Variants in SBNO1 observed in about 807,000 individuals in gnomAD.
The protein encoded by SBNO1 is protein strawberry notch homolog 1.
In SBNO1, 23 loss-of-function variants were observed where a neutral mutation model predicts 173.6. That is an observed-to-expected ratio of 0.13 (90% CI 0.10 to 0.19). SBNO1 has a LOEUF of 0.19. Among genes scored for constraint, SBNO1 ranks in the 10% least tolerant of loss-of-function variants. The pLI is 1.00. For synonymous variants in SBNO1, 632 were observed against 571.5 expected, an observed-to-expected ratio of 1.11 and a Z score of -1.51; for missense variants, 1,238 against 1,671.2, an observed-to-expected ratio of 0.74 and a Z score of 4.52.
At chr12:123,305,416 G>A (rs1212642046) in intron 28 of SBNO1, among the ~76,000 whole-genome samples, 3 of 152,008 alleles carry the variant, frequency 2.0e-5, no homozygotes, top group Non-Finnish European at 1.5e-5. Flanking sequence ...CACATATGGA[G>A]GTAAAAATGG....
At chr12:123,304,130 C>T (rs2048858270) in intron 29 of SBNO1, among the ~76,000 whole-genome samples, 1 of 151,982 alleles carries the variant, frequency 6.6e-6, no homozygotes, top group African/African-American at 2.4e-5. Context: ...GAGGTTTCGC[C>T]ATATGGGCCA....
At position 123,298,628 on chromosome 12, in the gene SBNO1, T is replaced by C. The variant is rs144093731; in HGVS notation, c.3846-457A>G. On this transcript the variant is annotated intron_variant, in intron 30 of 31. Coordinates refer to ENST00000602398, the MANE Select transcript of SBNO1 (RefSeq NM_001167856.3). ...CTTAGATTATAATTCTGTTGGCCCA[T>C]TGGGTTAGCATTTCCAATTTAAGGT... is the stretch of plus-strand genomic sequence containing the variant. Among the ~76,000 whole-genome samples, 13 of 152,342 alleles carry C rather than the reference T, an allele frequency of 8.5e-5. No homozygotes were observed. In the East Asian group the frequency reaches 1.7e-3, roughly 20 times the overall value.
intron 5 of SBNO1, 131 bp downstream of exon 5, chr12:123,340,857 T>C (rs185356890): frequency 1.6e-6 from 1 of 640,416 alleles, no homozygotes; most frequent in African/African-American, 1.9e-5. Context: ...GCATATCCAT[T>C]AGTTCCCACG....
Position 123,296,064 on chromosome 12 carries a change from C to A in SBNO1, c.4040-14G>T. ...GAATGATCAAACCTGTAATTAGTAA[C>A]AAGAATTTATCAAGTTGTGTCCAGA... is the stretch of plus-strand genomic sequence containing the variant. On this transcript the variant is annotated splice_polypyrimidine_tract_variant and intron_variant, in intron 31 of 31. Coordinates refer to ENST00000602398, the MANE Select transcript of SBNO1 (RefSeq NM_001167856.3). 6.4e-7 allele frequency: 1 copy of A among 1,574,744 alleles called. No homozygotes were observed. The highest frequency in any genetic ancestry group is 2.2e-5 in the East Asian group (1 of 44,466).
intron 1 of SBNO1, chr12:123,363,820 C>CT (rs1452390349): frequency 2.0e-6 from 2 of 977,314 alleles, no homozygotes; most frequent in African/African-American, 3.5e-5. Flanking sequence ...ATTAACCAAA[C>CT]AGAAGCACAA....
intron 5 of SBNO1, among the ~76,000 whole-genome samples, chr12:123,340,243 T>G (rs931199455): frequency 6.6e-6 from 1 of 152,206 alleles, no homozygotes; most frequent in South Asian, 2.1e-4. Context: ...AATAAATGTA[T>G]GGAATCAATT....
intron 6 of SBNO1, among the ~76,000 whole-genome samples, chr12:123,335,178 G>A (rs1407966402): frequency 2.0e-5 from 3 of 152,172 alleles, no homozygotes; most frequent in East Asian, 1.9e-4. Context: ...GGTGGCTCAC[G>A]CCTGTAATCT....
At chr12:123,314,017 G>A (rs780016599) in intron 23 of SBNO1, among the ~76,000 whole-genome samples, 1 of 151,940 alleles carries the variant, frequency 6.6e-6, no homozygotes, top group Non-Finnish European at 1.5e-5. Context: ...CTAGGAGGCG[G>A]AGGTTGTAGT....
chr12:123,328,113 T>A (rs1205400665), intron 10 of SBNO1, 86 bp from the exon 11 acceptor site: 5 of 1,082,680 alleles, frequency 4.6e-6, no homozygotes, highest in Non-Finnish European at 5.3e-6. Flanking sequence ...TTTATTTCCC[T>A]GAGGCCTTCT....
intron 7 of SBNO1, among the ~76,000 whole-genome samples, chr12:123,333,336 A>C (rs1447955148): frequency 6.6e-6 from 1 of 152,098 alleles, no homozygotes; most frequent in African/African-American, 2.4e-5. Context: ...ACTGTCCAAT[A>C]ATATCACAGT....
chr12:123,332,153 G>C (rs528123479), intron 7 of SBNO1, among the ~76,000 whole-genome samples: 1 of 152,162 alleles, frequency 6.6e-6, no homozygotes, highest in African/African-American at 2.4e-5. Context: ...CCAGCTCAAT[G>C]TGAATACTTT....
intron 16 of SBNO1, 43 bp from the exon 17 acceptor site, chr12:123,321,775 T>TAG: frequency 6.8e-7 from 1 of 1,481,378 alleles, no homozygotes; most frequent in Non-Finnish European, 9.4e-7. Context: ...AAATTCAATG[T>TAG]TTCTTAAGAT....
At chr12:123,347,583 T>C (rs1436708709) in intron 3 of SBNO1, among the ~76,000 whole-genome samples, 2 of 151,390 alleles carry the variant, frequency 1.3e-5, no homozygotes, top group African/African-American at 4.9e-5. Context: ...TGGAGTGCAG[T>C]GGCTTGGTCT....
chr12:123,324,203 G>C (rs1370859107), intron 15 of SBNO1, among the ~76,000 whole-genome samples: 1 of 151,110 alleles, frequency 6.6e-6, no homozygotes, highest in Non-Finnish European at 1.5e-5. Context: ...TCTCAATATG[G>C]ACCAGTCATT....
chr12:123,329,033 A>T (rs565694795), intron 9 of SBNO1, 138 bp from the exon 10 acceptor site: 1 of 536,110 alleles, frequency 1.9e-6, no homozygotes, highest in Non-Finnish European at 3.2e-6. Context: ...ACAGAGACGC[A>T]AATTTATTTG....
At chr12:123,342,693 T>G (rs1487448996) in intron 4 of SBNO1, among the ~76,000 whole-genome samples, 1 of 152,184 alleles carries the variant, frequency 6.6e-6, no homozygotes, top group Non-Finnish European at 1.5e-5. Flanking sequence ...CAGAATCCAC[T>G]TATCAATCAG....
chr12:123,295,515 T>G lies in SBNO1; in HGVS notation c.*393A>C, dbSNP rs2048578062. The G allele has an allele frequency of 6.2e-6, 1 of 160,240 alleles. No individual in the cohort carries two copies. The highest frequency in any genetic ancestry group is 1.4e-5 in the Non-Finnish European group (1 of 73,258). 9.9% of individuals were successfully genotyped at this position (160,240 alleles called of 1,614,324 possible). A position where few individuals can be genotyped will look rare whatever the true frequency, so the allele number is the denominator to read the frequency against. On this transcript the variant is annotated 3_prime_UTR_variant, in exon 32 of 32. Transcript: ENST00000602398. ...ATACCTCCCACAGCAATGGCATGGA[T>G]GTACTGCGTTAACCCTGAGCACTGT... is the stretch of plus-strand genomic sequence containing the variant.
chr12:123,318,838 T>C (rs764125955), intron 20 of SBNO1, among the ~76,000 whole-genome samples: 11 of 151,364 alleles, frequency 7.3e-5, no homozygotes, highest in Non-Finnish European at 1.3e-4. Flanking sequence ...ATCGTCTTAA[T>C]ATAACATGAC....
chr12:123,294,250 AGAG>A lies in SBNO1; in HGVS notation c.*1655_*1657del, dbSNP rs2048552218. 2 of 100,670 alleles carry A rather than the reference AGAG, an allele frequency of 2.0e-5. No individual in the cohort carries two copies. The highest frequency in any genetic ancestry group is 5.6e-5 in the Non-Finnish European group (2 of 35,622). The allele number at this position is 100,670 out of a possible 1,614,324, so 6.2% of individuals were successfully genotyped here. A position where few individuals can be genotyped will look rare whatever the true frequency, so the allele number is the denominator to read the frequency against. ...CCAAACTCAGGCTAAAGGAGACACA[AGAG>A]GATGAACGCCCTAAGCTTTCAGCCA... On this transcript the variant is annotated 3_prime_UTR_variant, in exon 32 of 32. Coordinates refer to ENST00000602398, the MANE Select transcript of SBNO1 (RefSeq NM_001167856.3).
Sources: allele counts gnomAD v4.1 joint callset (sites outside exome capture counted in the v4.1 genomes callset), GRCh38; gene constraint gnomAD v4.1.1; transcripts MANE v1.5; gene names NCBI Gene and HGNC (gene_info 2026-07-23, HGNC 2026-07-21).